CYTH2: variants seen among roughly 807,000 people sequenced by gnomAD.
CYTH2 encodes the protein cytohesin-2.
CYTH2 carries 24 observed loss-of-function variants against 55.4 expected under a neutral mutation model. The ratio of observed to expected loss-of-function variants is 0.43; its 90% CI spans 0.31 to 0.61. The LOEUF (loss-of-function observed/expected upper bound fraction) is 0.61. CYTH2 is among the 20% of genes least tolerant of loss of function. The probability of loss-of-function intolerance (pLI) is 0.08; values close to 1 mark genes in which losing one functional copy is unlikely to be tolerated. For missense variants in CYTH2, 378 were observed against 533.5 expected (o/e 0.71, Z 2.87); for synonymous variants, 221 against 209.6 (o/e 1.05, Z -0.47).
intron 3 of CYTH2, among the ~76,000 whole-genome samples, chr19:48,472,114 A>G (rs939106169): frequency 1.3e-5 from 2 of 152,234 alleles, no homozygotes; most frequent in African/African-American, 4.8e-5. Flanking sequence ...TTGGTGCTGG[A>G]ATTAACCAGG....
At position 48,479,531 on chromosome 19, in the gene CYTH2, G is replaced by A. The variant is rs1000727176; in HGVS notation, c.*321G>A. 2.3e-5 allele frequency: 8 copies of A among 343,846 alleles called. No homozygotes were observed. Among genetic ancestry groups the A allele is most frequent in the Admixed American group, 8.5e-5 (2 of 23,442 alleles). 21.3% of individuals were successfully genotyped at this position (343,846 alleles called of 1,614,324 possible). ...GGTGGGTCTGTTCTGGTTTCACCCCGAGCCCAGCAGGAGTGGAGTAAAGGG... is the reference window on the plus strand; with the variant it reads ...GGTGGGTCTGTTCTGGTTTCACCCCAAGCCCAGCAGGAGTGGAGTAAAGGG... On this transcript the variant is annotated 3_prime_UTR_variant, in exon 12 of 12. Coordinates refer to ENST00000452733, the MANE Select transcript of CYTH2 (RefSeq NM_004228.7).
Position 48,479,526 on chromosome 19 carries a change from AC to A in CYTH2, c.*320del. ...GTCCCGGTGGGTCTGTTCTGGTTTC[AC>A]CCCGAGCCCAGCAGGAGTGGAGTAA... On this transcript the variant is annotated 3_prime_UTR_variant, in exon 12 of 12. Transcript: ENST00000452733. The A allele has an allele frequency of 2.9e-6, 1 of 348,478 alleles. No homozygotes were observed. Among genetic ancestry groups the A allele is most frequent in the East Asian group, 5.1e-5 (1 of 19,592 alleles). 21.6% of individuals were successfully genotyped at this position (348,478 alleles called of 1,614,324 possible). A position where few individuals can be genotyped will look rare whatever the true frequency, so the allele number is the denominator to read the frequency against.
Position 48,474,175 on chromosome 19 carries a change from G to A in CYTH2, c.548-7G>A. The A allele has an allele frequency of 1.9e-6, 3 of 1,583,472 alleles. No homozygotes were observed. The highest frequency in any genetic ancestry group is 1.2e-5 in the South Asian group (1 of 85,814). ...TGGGTCGTCACCACCTGCCCTGTCC[G>A]GTGCAGACACGTGCTATGTGCTGTC... On this transcript the variant is annotated splice_region_variant and splice_polypyrimidine_tract_variant and intron_variant, in intron 6 of 11. Coordinates refer to ENST00000452733, the MANE Select transcript of CYTH2 (RefSeq NM_004228.7). This position sits in a 1 kb window ranked among gnomAD's most constrained non-coding sequence, Gnocchi z 4.9.
rs73050914 is a variant in CYTH2, at chr19:48,479,996, T to C, written c.*786T>C. The stretch of plus-strand genomic sequence containing the variant: ...AGGATCAGCCTCCTTTGGAGGACAT[T>C]TTGTGTCAAGGATAGGGCTGAGGAC... On this transcript the variant is annotated 3_prime_UTR_variant, in exon 12 of 12. Coordinates refer to ENST00000452733, the MANE Select transcript of CYTH2 (RefSeq NM_004228.7). 0.012 allele frequency: 1,755 copies of C among 152,418 alleles called. 12 individuals are homozygous for C. Among genetic ancestry groups the C allele is most frequent in the Non-Finnish European group, 0.018 (1,242 of 68,108 alleles). The allele number at this position is 152,418 out of a possible 1,614,324, so 9.4% of individuals were successfully genotyped here. A position where few individuals can be genotyped will look rare whatever the true frequency, so the allele number is the denominator to read the frequency against.
At position 48,470,390 on chromosome 19, in the gene CYTH2, G is replaced by A. The variant is rs766615487; in HGVS notation, c.57G>A (p.Leu19=). The A allele has an allele frequency of 2.2e-5, 36 of 1,613,856 alleles. No individual in the cohort carries two copies. The highest frequency in any genetic ancestry group is 3.1e-5 in the Non-Finnish European group (36 of 1,179,974). Residue 19 remains leucine, a synonymous_variant, in exon 2 of 12, where the codon CTG becomes CTA. Coordinates refer to ENST00000452733, the MANE Select transcript of CYTH2 (RefSeq NM_004228.7). Reference sequence around the variant, plus strand: ...TGACTCCGGAGGAGCGGATGGAGCTGGAGAACATCCGGCGGCGGAAGCAGG... The same window carrying A: ...TGACTCCGGAGGAGCGGATGGAGCTAGAGAACATCCGGCGGCGGAAGCAGG... ...PDLTPEERME[L]ENIRRRKQEL...
At position 48,474,785 on chromosome 19, in the gene CYTH2, AC is replaced by A; in HGVS notation, c.697-50del. 6.5e-7 allele frequency: 1 copy of A among 1,539,158 alleles called. No homozygotes were observed. The highest frequency in any genetic ancestry group is 9.0e-7 in the Non-Finnish European group (1 of 1,113,092). ...GTCTCGCTGCCCCCCACCCTGAGTA[AC>A]CCTGGGGGGCCCCAGGGGGCTCGAA... On this transcript the variant is annotated intron_variant, in intron 7 of 11. Transcript: ENST00000452733. This position sits in a 1 kb window ranked among gnomAD's most constrained non-coding sequence, Gnocchi z 4.9.
chr19:48,479,267 C>A lies in CYTH2; in HGVS notation c.*57C>A, dbSNP rs567227382. ...GAGCTGCCCCGCCTGGGTGGCCGGA[C>A]CCCTGGGCCTTGGGGCTGTGGATCC... is the stretch of plus-strand genomic sequence containing the variant. On this transcript the variant is annotated 3_prime_UTR_variant, in exon 12 of 12. Coordinates refer to ENST00000452733, the MANE Select transcript of CYTH2 (RefSeq NM_004228.7). 14 of 1,589,168 alleles carry A rather than the reference C, an allele frequency of 8.8e-6. No individual in the cohort carries two copies. The highest frequency in any genetic ancestry group is 1.7e-4 in the Middle Eastern group (1 of 5,814).
At position 48,473,987 on chromosome 19, in the gene CYTH2, C is replaced by T. The variant is rs377111289; in HGVS notation, c.517C>T (p.Leu173=). 6.2e-7 allele frequency: 1 copy of T among 1,613,410 alleles called. No homozygotes were observed. Among genetic ancestry groups the T allele is most frequent in the Non-Finnish European group, 8.5e-7 (1 of 1,179,682 alleles). The part of the protein sequence containing the change: ...MMEAFAQRYC[L]CNPGVFQSTD... ...GGAGGCCTTCGCCCAGCGATACTGCCTGTGCAACCCTGGGGTTTTCCAGTC... is the reference window on the plus strand; with the variant it reads ...GGAGGCCTTCGCCCAGCGATACTGCTTGTGCAACCCTGGGGTTTTCCAGTC... Residue 173 remains leucine (L), a synonymous_variant, in exon 6 of 12, where the codon CTG becomes TTG. Coordinates refer to ENST00000452733, the MANE Select transcript of CYTH2 (RefSeq NM_004228.7).
intron 4 of CYTH2, 98 bp downstream of exon 4, chr19:48,472,541 C>G: frequency 1.0e-6 from 1 of 984,312 alleles, no homozygotes; most frequent in Non-Finnish European, 1.6e-6. Context: ...AACAGCCCTG[C>G]AGCCTCCCCG....
rs774804710 is a variant in CYTH2, at chr19:48,479,820, CAG to C, written c.*611_*612del. ...GAGCTGGAAGAACATGCGACCACCT[CAG>C]GGAGGGTCAGGGAAGGATGAGTGGG... is the stretch of plus-strand genomic sequence containing the variant. On this transcript the variant is annotated 3_prime_UTR_variant, in exon 12 of 12. Coordinates refer to ENST00000452733, the MANE Select transcript of CYTH2 (RefSeq NM_004228.7). 4 of 150,104 alleles carry C rather than the reference CAG, an allele frequency of 2.7e-5. No homozygotes were observed. Among genetic ancestry groups the C allele is most frequent in the Non-Finnish European group, 4.5e-5 (3 of 67,328 alleles). The allele number at this position is 150,104 out of a possible 1,614,324, so 9.3% of individuals were successfully genotyped here. A position where few individuals can be genotyped will look rare whatever the true frequency, so the allele number is the denominator to read the frequency against.
intron 3 of CYTH2, among the ~76,000 whole-genome samples, chr19:48,471,164 CTT>C (rs1391242264): frequency 7.9e-6 from 1 of 127,242 alleles, no homozygotes; most frequent in Admixed American, 7.0e-5. Flanking sequence ...TTCACCTACT[CTT>C]TGTGTGTGTG....
In CYTH2 at chr19:48,474,879, T is replaced by A; in HGVS notation, c.738T>A (p.Pro246=). The change falls in exon 8 of 12, where the codon CCT becomes CCA. Residue 246 remains proline (P), a synonymous_variant. Coordinates refer to ENST00000452733, the MANE Select transcript of CYTH2 (RefSeq NM_004228.7). This position sits in a 1 kb window ranked among gnomAD's most constrained non-coding sequence, Gnocchi z 4.9. The part of the protein sequence containing the change: ...DSIRNEPFKI[P]EDDGNDLTHT... Reference sequence around the variant, plus strand: ...TCCGAAATGAGCCCTTCAAGATTCCTGAGGATGACGGGAATGACCTGACCC... The same window carrying A: ...TCCGAAATGAGCCCTTCAAGATTCCAGAGGATGACGGGAATGACCTGACCC... The A allele has an allele frequency of 6.2e-7, 1 of 1,614,204 alleles. No individual in the cohort carries two copies. Among genetic ancestry groups the A allele is most frequent in the Non-Finnish European group, 8.5e-7 (1 of 1,180,032 alleles).
chr19:48,469,745 G>A (rs1281983015), intron 1 of CYTH2: 9 of 719,762 alleles, frequency 1.3e-5, no homozygotes. Context: ...TTCCGGTGGC[G>A]GCGGGAGGGG....
In CYTH2 at chr19:48,475,702, G is replaced by A. The variant is rs183273629; in HGVS notation, c.808+753G>A. On this transcript the variant is annotated intron_variant, in intron 8 of 11. Transcript: ENST00000452733. The stretch of plus-strand genomic sequence containing the variant: ...TACATGAGATTTGCCTGGGCAACTC[G>A]AAAACTCCGGTGGCTGGGCCATAGA... 2.1e-3 allele frequency: 375 copies of A among 177,460 alleles called. 3 individuals carry two copies. Among genetic ancestry groups the A allele is most frequent in the African/African-American group, 8.3e-3 (349 of 42,014 alleles). The allele number at this position is 177,460 out of a possible 1,614,324, so 11.0% of individuals were successfully genotyped here.
Position 48,471,128 on chromosome 19 carries a change from T to G in CYTH2, c.234+459T>G, listed in dbSNP as rs558168024. On this transcript the variant is annotated intron_variant, in intron 3 of 11. Transcript: ENST00000452733. ...GTCGGGTTTGAAGGATGAGTAGGTG[T>G]TCACCAGGTGGAGGAAAGGCTTTTG... Among the ~76,000 whole-genome samples the G allele has an allele frequency of 2.7e-4, 40 of 150,024 alleles. 1 individual carries two copies. Among genetic ancestry groups the G allele is most frequent in the East Asian group, 7.7e-4 (4 of 5,170 alleles).
chr19:48,479,425 C>A lies in CYTH2; in HGVS notation c.*215C>A. ...CCTCATTTCTTGGGGTTGACAGAGT[C>A]GAGGTGCTCCGTGGAGCCAGCCTGT... On this transcript the variant is annotated 3_prime_UTR_variant, in exon 12 of 12. Transcript: ENST00000452733. 1.8e-6 allele frequency: 1 copy of A among 546,122 alleles called. No individual in the cohort carries two copies. Among genetic ancestry groups the A allele is most frequent in the Non-Finnish European group, 3.3e-6 (1 of 306,762 alleles). The allele number at this position is 546,122 out of a possible 1,614,324, so 33.8% of individuals were successfully genotyped here.
chr19:48,472,489 C>A, intron 4 of CYTH2, 46 bp downstream of exon 4: 1 of 1,476,104 alleles, frequency 6.8e-7, no homozygotes. Context: ...CTCCCACCCC[C>A]CAGACCCAGC....
chr19:48,477,910 C>G, intron 8 of CYTH2, 159 bp from the exon 9 acceptor site: 1 of 601,650 alleles, frequency 1.7e-6, no homozygotes, highest in Non-Finnish European at 3.0e-6. Flanking sequence ...CCCCAACATG[C>G]CTGGCCCTGC....
Position 48,469,518 on chromosome 19 carries a change from G to A in CYTH2, c.11G>A (p.Gly4Asp). 7.5e-7 allele frequency: 1 copy of A among 1,328,334 alleles called. No individual in the cohort carries two copies. Among genetic ancestry groups the A allele is most frequent in the Non-Finnish European group, 9.7e-7 (1 of 1,030,900 alleles). 82.3% of individuals were successfully genotyped at this position (1,328,334 alleles called of 1,614,324 possible). The change falls in exon 1 of 12, where the codon GGC becomes GAC. Residue 4 changes from glycine to aspartate, a missense_variant. Gly to Asp is a moderately conservative substitution (Grantham distance 94). Coordinates refer to ENST00000452733, the MANE Select transcript of CYTH2 (RefSeq NM_004228.7). ...GCCTTCCTAGCCGCCATGGAGGACG[G>A]CGTCTATGGTAGGTCGGGGAGGGGC... MED[G>D]VYEPPDLTPE...
Sources: gnomAD v4.1 joint callset for allele counts (sites outside exome capture counted in the v4.1 genomes callset) on GRCh38, gnomAD v4.1.1 for gene constraint, Gnocchi (gnomAD v3.1) non-coding constraint, MANE v1.5 for transcripts, NCBI Gene and HGNC (gene_info 2026-07-23, HGNC 2026-07-21) for gene names.